GLRA2: variants seen among roughly 807,000 people sequenced by gnomAD.
GLRA2 encodes glycine receptor subunit alpha-2.
A neutral mutation model predicts 31.6 loss-of-function variants in GLRA2; 11 were observed. The ratio of observed to expected loss-of-function variants is 0.35; its 90% CI spans 0.22 to 0.58. GLRA2 has a LOEUF of 0.58. GLRA2 is among the 20% of genes least tolerant of loss of function. GLRA2 has a pLI of 0.84. For synonymous variants in GLRA2, 132 were observed against 134.0 expected (o/e 0.99, Z 0.10); for missense variants, 212 against 351.8 (o/e 0.60, Z 3.18).
intron 7 of GLRA2, among the ~76,000 whole-genome samples, chrX:14,652,702 C>T (rs1021225336): frequency 3.6e-5 from 4 of 111,014 alleles, no homozygotes; most frequent in Non-Finnish European, 7.5e-5. Flanking sequence ...TGTGTGTTCT[C>T]ACTTCTCTAT....
At chrX:14,598,793 A>C (rs920917640) in intron 4 of GLRA2, among the ~76,000 whole-genome samples, 1 of 112,168 alleles carries the variant, frequency 8.9e-6, no homozygotes, top group Non-Finnish European at 1.9e-5. Flanking sequence ...TTGGATACCT[A>C]CTCTGGTCTA....
At chrX:14,655,657 C>T (rs2090932443) in intron 7 of GLRA2, among the ~76,000 whole-genome samples, 1 of 111,656 alleles carries the variant, frequency 9.0e-6, no homozygotes, top group Admixed American at 9.5e-5. Context: ...GTTCCATTCT[C>T]AGAATAGGCC....
At chrX:14,486,967 G>A in the GLRA2 span, among the ~76,000 whole-genome samples, 1 of 110,612 alleles carries the variant, frequency 9.0e-6, no homozygotes, top group African/African-American at 3.3e-5. Context: ...TTGGGGGTGG[G>A]GTGGCATATG....
the GLRA2 span, among the ~76,000 whole-genome samples, chrX:14,519,033 AAGG>A: frequency 9.4e-6 from 1 of 106,258 alleles, no homozygotes; most frequent in Non-Finnish European, 1.9e-5. Context: ...AAAAAAAAAA[AAGG>A]AGATCAGGTA....
At chrX:14,667,372 CTG>C (rs1042248774) in intron 7 of GLRA2, among the ~76,000 whole-genome samples, 10 of 111,722 alleles carry the variant, frequency 9.0e-5, no homozygotes, top group Admixed American at 5.7e-4. Flanking sequence ...TTAAAGTTCT[CTG>C]TTGCAGCTAC....
chrX:14,690,663 C>T (rs369350959), intron 7 of GLRA2, 47 bp from the exon 8 acceptor site: 65 of 749,186 alleles, frequency 8.7e-5, no homozygotes, highest in South Asian at 1.9e-4. Flanking sequence ...CTTTCTTTCT[C>T]TCTCTCTCTC....
At chrX:14,591,370 CAGCCTTT>C (rs2090143932) in intron 4 of GLRA2, among the ~76,000 whole-genome samples, 1 of 111,629 alleles carries the variant, frequency 9.0e-6, no homozygotes, top group African/African-American at 3.3e-5. Flanking sequence ...GCCGACAGTG[CAGCCTTT>C]AGCCTGTGGC....
intron 7 of GLRA2, among the ~76,000 whole-genome samples, chrX:14,677,205 C>CT (rs3216383): frequency 3.5e-4 from 37 of 106,582 alleles, no homozygotes; most frequent in East Asian, 1.5e-3. Flanking sequence ...TTTTAGTTGT[C>CT]TTTTTTTTTT....
At chrX:14,640,014 G>C (rs2090756124) in intron 7 of GLRA2, among the ~76,000 whole-genome samples, 1 of 112,053 alleles carries the variant, frequency 8.9e-6, no homozygotes, top group Non-Finnish European at 1.9e-5. Context: ...TTGCAACTCT[G>C]TTCCTATGCC....
upstream of GLRA2, among the ~76,000 whole-genome samples, chrX:14,528,293 C>T (rs1188990158): frequency 8.9e-6 from 1 of 112,396 alleles, no homozygotes; most frequent in African/African-American, 3.2e-5. Flanking sequence ...TTCTCTGAAT[C>T]TACTTCTTAA....
At chrX:14,633,806 C>T (rs977089726) in intron 7 of GLRA2, among the ~76,000 whole-genome samples, 5 of 100,873 alleles carry the variant, frequency 5.0e-5, no homozygotes, top group African/African-American at 1.7e-4. Context: ...CCTTATAAAA[C>T]CATATAGTGC....
intron 7 of GLRA2, among the ~76,000 whole-genome samples, chrX:14,626,897 G>A (rs2090594840): frequency 8.9e-6 from 1 of 111,861 alleles, no homozygotes. Flanking sequence ...ATAATTTTAT[G>A]CTTATTCAGT....
intron 7 of GLRA2, among the ~76,000 whole-genome samples, chrX:14,614,614 A>G (rs2090435836): frequency 8.9e-6 from 1 of 112,010 alleles, no homozygotes; most frequent in Non-Finnish European, 1.9e-5. Context: ...TTCTGCTTTC[A>G]CCCTACTATC....
At chrX:14,708,941 CAAA>C (rs1319847679) in intron 8 of GLRA2, among the ~76,000 whole-genome samples, 1 of 106,869 alleles carries the variant, frequency 9.4e-6, no homozygotes, top group African/African-American at 3.5e-5. Flanking sequence ...CGTCTCCACA[CAAA>C]AAGAAAAAAA....
At chrX:14,678,723 C>G (rs1398849068) in intron 7 of GLRA2, among the ~76,000 whole-genome samples, 1 of 111,761 alleles carries the variant, frequency 8.9e-6, no homozygotes, top group Non-Finnish European at 1.9e-5. Flanking sequence ...AATTTGAGAG[C>G]TTTGGAAACA....
chrX:14,641,140 C>T (rs1170608123), intron 7 of GLRA2, among the ~76,000 whole-genome samples: 1 of 111,361 alleles, frequency 9.0e-6, no homozygotes, highest in Non-Finnish European at 1.9e-5. Context: ...CAAGAAAACA[C>T]CTTATCACAT....
At chrX:14,668,917 TAACTC>T (rs1445822643) in intron 7 of GLRA2, among the ~76,000 whole-genome samples, 2 of 111,657 alleles carry the variant, frequency 1.8e-5, no homozygotes, top group African/African-American at 6.5e-5. Context: ...CCCAAAGTCT[TAACTC>T]ATTTCACCAT....
At chrX:14,469,235 T>C in the GLRA2 span, among the ~76,000 whole-genome samples, 1 of 111,949 alleles carries the variant, frequency 8.9e-6, no homozygotes, top group Non-Finnish European at 1.9e-5. Flanking sequence ...CATGAAGTCC[T>C]TGCCCACACC....
At chrX:14,517,217 C>A in the GLRA2 span, among the ~76,000 whole-genome samples, 1 of 111,884 alleles carries the variant, frequency 8.9e-6, no homozygotes, top group Non-Finnish European at 1.9e-5. Flanking sequence ...ATAATCTATG[C>A]ACATCAATTA....
Sources: gnomAD v4.1 joint callset for allele counts (sites outside exome capture counted in the v4.1 genomes callset) on GRCh38, gnomAD v4.1.1 for gene constraint, MANE v1.5 for transcripts, NCBI Gene and HGNC (gene_info 2026-07-23, HGNC 2026-07-21) for gene names.